The following BCAS2 variants were observed in gnomAD, a reference collection of about 807,000 sequenced individuals.
BCAS2 encodes BCAS2 pre-mRNA processing factor.
BCAS2 carries 34 observed loss-of-function variants against 35.3 expected under a neutral mutation model. That is an observed-to-expected ratio of 0.96 (90% confidence interval 0.73 to 1.28). The LOEUF (loss-of-function observed/expected upper bound fraction) is 1.28, where lower values mean the gene tolerates loss of function less well. Among genes scored for constraint, BCAS2 ranks in the 50% most tolerant of loss-of-function variants. The probability of loss-of-function intolerance (pLI) is 0.00; values close to 1 mark genes in which losing one functional copy is unlikely to be tolerated. For missense variants in BCAS2, 221 were observed against 268.1 expected, an observed-to-expected ratio of 0.82 and a Z score of 1.23; for synonymous variants, 75 against 91.6, an observed-to-expected ratio of 0.82 and a Z score of 1.03.
chr1:114,573,751 T>A (rs1160874037), intron 4 of BCAS2, among the ~76,000 whole-genome samples: 1 of 152,154 alleles, frequency 6.6e-6, no homozygotes, highest in Admixed American at 6.6e-5. Context: ...TTCTTCTTTT[T>A]CCCCCCTTGC....
At chr1:114,570,321 C>G (rs190434410) in intron 5 of BCAS2, among the ~76,000 whole-genome samples, 1 of 152,140 alleles carries the variant, frequency 6.6e-6, no homozygotes, top group Non-Finnish European at 1.5e-5. Context: ...CAAGTCCCCC[C>G]TCTCATGCAT....
At chr1:114,576,209 T>C (rs1654758448) in intron 3 of BCAS2, among the ~76,000 whole-genome samples, 1 of 149,802 alleles carries the variant, frequency 6.7e-6, no homozygotes, top group Non-Finnish European at 1.5e-5. Context: ...ACCCAGTCAG[T>C]CCTTCAACAC....
chr1:114,572,698 T>C (rs1654671910), intron 4 of BCAS2, among the ~76,000 whole-genome samples: 1 of 152,012 alleles, frequency 6.6e-6, no homozygotes. Flanking sequence ...GTATAACAGG[T>C]AAAGACAAGG....
intron 2 of BCAS2, among the ~76,000 whole-genome samples, chr1:114,578,529 G>C (rs974572567): frequency 6.6e-6 from 1 of 152,192 alleles, no homozygotes; most frequent in Non-Finnish European, 1.5e-5. Context: ...TCTCTCCAAA[G>C]ACTAAGCCAG....
intron 4 of BCAS2, among the ~76,000 whole-genome samples, chr1:114,571,818 G>A (rs553662897): frequency 8.5e-5 from 13 of 152,142 alleles, no homozygotes; most frequent in African/African-American, 2.9e-4. Context: ...AGAGAGGTGA[G>A]AAAAAGAAAA....
rs1478058388 is a variant in BCAS2 at position 114,567,736 on chromosome 1, T to C, written c.*394A>G. The stretch of plus-strand genomic sequence containing the variant: ...TCTGAAGTTGTTTGGTGATCAAGAA[T>C]GTGTTTAGAACTATCTCTTTATTAG... On this transcript the variant is annotated 3_prime_UTR_variant, in exon 7 of 7. Coordinates refer to ENST00000369541, the MANE Select transcript of BCAS2 (RefSeq NM_005872.3). The C allele has an allele frequency of 6.2e-6, 1 of 162,010 alleles. No individual in the cohort carries two copies. The highest frequency in any genetic ancestry group is 2.4e-5 in the African/African-American group (1 of 41,630). 10.0% of individuals were successfully genotyped at this position (162,010 alleles called of 1,614,324 possible).
chr1:114,575,604 C>G lies in BCAS2; in HGVS notation c.405G>C (p.Trp135Cys), dbSNP rs1240109143. 1.2e-6 allele frequency: 2 copies of G among 1,602,492 alleles called. No individual in the cohort carries two copies. Among genetic ancestry groups the G allele is most frequent in the South Asian group, 2.3e-5 (2 of 88,508 alleles). The change falls in exon 4 of 7, where the codon TGG (tryptophan) becomes TGC (cysteine). Residue 135 changes from tryptophan to cysteine, a missense_variant. By Grantham distance (215) the Trp-to-Cys change is radical. Transcript: ENST00000369541. ...AAGGTTCTTACTCATTGTATACTTT[C>G]CAGGCATTACATCCATGCTGTGACA... The part of the protein sequence containing the change: ...ELMSQHGCNA[W>C]KVYNENLVHM...
chr1:114,574,043 C>T (rs1030786405), intron 4 of BCAS2, among the ~76,000 whole-genome samples: 5 of 152,012 alleles, frequency 3.3e-5, no homozygotes, highest in African/African-American at 1.2e-4. Context: ...CACAAAGGGG[C>T]CATGCAGATA....
chr1:114,571,723 TTTTA>T (rs1654648533), intron 4 of BCAS2, among the ~76,000 whole-genome samples: 1 of 152,208 alleles, frequency 6.6e-6, no homozygotes, highest in African/African-American at 2.4e-5. Context: ...TACCCACTTA[TTTTA>T]TTTCTCAACC....
chr1:114,575,523 CT>C, intron 4 of BCAS2, 66 bp downstream of exon 4: 2 of 1,471,732 alleles, frequency 1.4e-6, no homozygotes, highest in Non-Finnish European at 1.8e-6. Context: ...TGTACTAAAA[CT>C]TTGGGTGAGA....
intron 3 of BCAS2, among the ~76,000 whole-genome samples, chr1:114,576,419 C>T (rs1654767319): frequency 6.9e-6 from 1 of 145,478 alleles, no homozygotes. Flanking sequence ...CGTGCCACCA[C>T]ACCCAGGTAC....
At chr1:114,571,160 T>G (rs1654631834) in intron 4 of BCAS2, among the ~76,000 whole-genome samples, 1 of 152,120 alleles carries the variant, frequency 6.6e-6, no homozygotes, top group African/African-American at 2.4e-5. Context: ...GTTCAAGAGA[T>G]TCTCCTGCCT....
intron 2 of BCAS2, 91 bp downstream of exon 2, chr1:114,581,208 G>A (rs1654881754): frequency 7.7e-7 from 1 of 1,298,230 alleles, no homozygotes; most frequent in African/African-American, 1.5e-5. Flanking sequence ...TAGCTATGCA[G>A]GCAATGGTTA....
intron 4 of BCAS2, among the ~76,000 whole-genome samples, chr1:114,572,611 T>C (rs1654670505): frequency 6.6e-6 from 1 of 152,092 alleles, no homozygotes; most frequent in South Asian, 2.1e-4. Flanking sequence ...AGGGAGACAA[T>C]ACTAGAAGCA....
chr1:114,581,419 G>A (rs1251149140), intron 1 of BCAS2, 28 bp from the exon 2 acceptor site: 21 of 1,613,942 alleles, frequency 1.3e-5, no homozygotes, highest in Non-Finnish European at 1.8e-5. Context: ...GACCAGGGTA[G>A]AAGTGGCAAA....
rs1456451891 is a variant in BCAS2, at chr1:114,568,253, C to T, written c.555G>A (p.Trp185Ter). Residue 185 changes from tryptophan to a stop codon, truncating the protein, a stop_gained, in exon 7 of 7, where the codon TGG (tryptophan) becomes TGA (stop). Transcript: ENST00000369541. LOFTEE classifies it high-confidence loss of function. ...GSKLREMESN[W>*]VSLVSKNYEI... ...CATAATTCTTACTGACCAGGGATAC[C>T]CAACTAGAATGGGGGGGAAGAAAAG... 2 of 1,611,860 alleles carry T rather than the reference C, an allele frequency of 1.2e-6. No individual in the cohort carries two copies. Among genetic ancestry groups the T allele is most frequent in the Non-Finnish European group, 1.7e-6 (2 of 1,179,372 alleles).
chr1:114,572,738 A>G (rs1449240895), intron 4 of BCAS2, among the ~76,000 whole-genome samples: 1 of 152,210 alleles, frequency 6.6e-6, no homozygotes, highest in Non-Finnish European at 1.5e-5. Flanking sequence ...CAGGATTTGC[A>G]ATAATCACCA....
chr1:114,576,083 A>G (rs1028882761), intron 3 of BCAS2, among the ~76,000 whole-genome samples: 1 of 152,018 alleles, frequency 6.6e-6, no homozygotes, highest in African/African-American at 2.4e-5. Context: ...AGTAGACAAA[A>G]AAGTTTGCTA....
chr1:114,576,816 A>G, intron 2 of BCAS2, 58 bp from the exon 3 acceptor site: 2 of 1,330,050 alleles, frequency 1.5e-6, no homozygotes, highest in South Asian at 1.2e-5. Context: ...AAAAATTAAC[A>G]ATCACCAAAG....
Sources: allele counts gnomAD v4.1 joint callset (sites outside exome capture counted in the v4.1 genomes callset), GRCh38; gene constraint gnomAD v4.1.1; transcripts MANE v1.5; gene names NCBI Gene and HGNC (gene_info 2026-07-23, HGNC 2026-07-21).